The following RNF8 variants were observed in gnomAD, a reference collection of about 807,000 sequenced individuals.
RNF8 encodes the protein E3 ubiquitin-protein ligase RNF8.
Under a neutral mutation model 59.3 loss-of-function variants are expected in RNF8, and 8 were observed. The observed-to-expected ratio is 0.13, with a 90% confidence interval of 0.08 to 0.24. RNF8 has a LOEUF of 0.24. RNF8 is among the 10% of genes least tolerant of loss of function. The pLI is 1.00. For synonymous variants in RNF8, 162 were observed against 200.0 expected (o/e 0.81, Z 1.60); for missense variants, 406 against 572.6 (o/e 0.71, Z 2.97).
chr6:37,369,217 A>T lies in RNF8; in HGVS notation c.974A>T (p.Gln325Leu). 1 of 1,606,828 alleles carries T rather than the reference A, an allele frequency of 6.2e-7. No individual in the cohort carries two copies. Among genetic ancestry groups the T allele is most frequent in the Non-Finnish European group, 8.5e-7 (1 of 1,176,590 alleles). The stretch of plus-strand genomic sequence containing the variant: ...TTCCAGGAAGAGGAACAGCATCTTC[A>T]GGTACCACACAGAAGGGAAGGGCAA... ...KTFQEEEQHLQGLEIAQGEKD... is the reference protein window; with the variant it reads ...KTFQEEEQHLLGLEIAQGEKD... The change falls in exon 3 of 8, where the codon CAG becomes CTG. Residue 325 changes from glutamine (Q) to leucine (L), a missense_variant and splice_region_variant. Around this residue, in one of 3 missense-constraint regions of RNF8, gnomAD observed 285 missense variants for 342.0 expected, o/e 0.83. Coordinates refer to ENST00000373479, the MANE Select transcript of RNF8 (RefSeq NM_003958.4).
intron 1 of RNF8, among the ~76,000 whole-genome samples, chr6:37,359,900 C>T (rs1481918540): frequency 2.0e-5 from 3 of 152,238 alleles, no homozygotes; most frequent in African/African-American, 7.2e-5. Flanking sequence ...GGCTCAAGCC[C>T]ATCCCCTGGG....
At chr6:37,377,775 A>G (rs544932365) in intron 6 of RNF8, among the ~76,000 whole-genome samples, 3 of 152,062 alleles carry the variant, frequency 2.0e-5, no homozygotes, top group South Asian at 4.1e-4. Flanking sequence ...ACGAGGGGGT[A>G]AACGTCATTA....
At chr6:37,369,291 G>T in intron 3 of RNF8, 73 bp downstream of exon 3, 1 of 1,466,266 alleles carries the variant, frequency 6.8e-7, no homozygotes, top group African/African-American at 1.4e-5. Flanking sequence ...TCTGGCCAGA[G>T]TTCTCAGTTT....
chr6:37,378,784 TCTC>T (rs1021523102), intron 6 of RNF8, among the ~76,000 whole-genome samples: 6 of 152,208 alleles, frequency 3.9e-5, no homozygotes, highest in African/African-American at 1.4e-4. Flanking sequence ...GTCATCTGAT[TCTC>T]TACTTTGGAG....
rs1241593991 is a variant in RNF8 at position 37,394,644 on chromosome 6, A to G, written c.*3886A>G. On this transcript the variant is annotated 3_prime_UTR_variant, in exon 8 of 8. Transcript: ENST00000373479. ...TCCAGAGCCACTATCTCTGCTGTCC[A>G]CTTTCCTTCAGGCTCTGTGAATACT... 1.3e-5 allele frequency: 2 copies of G among 151,990 alleles called. No homozygotes were observed. The highest frequency in any genetic ancestry group is 2.4e-5 in the African/African-American group (1 of 41,352). The allele number at this position is 151,990 out of a possible 1,614,324, so 9.4% of individuals were successfully genotyped here.
intron 4 of RNF8, among the ~76,000 whole-genome samples, chr6:37,373,509 T>G (rs1340608021): frequency 6.6e-6 from 1 of 152,140 alleles, no homozygotes; most frequent in African/African-American, 2.4e-5. Flanking sequence ...TGGGCTCAAG[T>G]GATCCTCCCA....
intron 6 of RNF8, 120 bp from the exon 7 acceptor site, chr6:37,381,030 A>T: frequency 2.4e-6 from 2 of 828,516 alleles, no homozygotes; most frequent in South Asian, 3.1e-5. Context: ...TTAAGATGGG[A>T]TTGTTGTTAA....
intron 2 of RNF8, chr6:37,368,276 G>T: frequency 9.1e-7 from 1 of 1,102,404 alleles, no homozygotes; most frequent in Non-Finnish European, 1.3e-6. Flanking sequence ...TCTCTGTGGA[G>T]GCATGAATGT....
chr6:37,389,358 G>C (rs576405810), intron 7 of RNF8, among the ~76,000 whole-genome samples: 1 of 151,650 alleles, frequency 6.6e-6, no homozygotes, highest in Non-Finnish European at 1.5e-5. Context: ...TACAGTGATT[G>C]GGGAGTGAGT....
chr6:37,392,643 T>C lies in RNF8; in HGVS notation c.*1885T>C, dbSNP rs1252886811. ...TTCCATGTCAGTACATAGTTTCCTT[T>C]CTTTATTACAGCTGCCTGTTTTTTC... On this transcript the variant is annotated 3_prime_UTR_variant, in exon 8 of 8. Transcript: ENST00000373479. 7.5e-6 allele frequency: 3 copies of C among 398,486 alleles called. No homozygotes were observed. The highest frequency in any genetic ancestry group is 1.3e-5 in the Non-Finnish European group (3 of 226,056). 24.7% of individuals were successfully genotyped at this position (398,486 alleles called of 1,614,324 possible).
intron 1 of RNF8, among the ~76,000 whole-genome samples, chr6:37,354,728 G>T (rs1459409804): frequency 1.3e-5 from 2 of 151,296 alleles, no homozygotes; most frequent in Non-Finnish European, 2.9e-5. Context: ...GGAGGGGAGG[G>T]CGGGGGCTGG....
intron 7 of RNF8, among the ~76,000 whole-genome samples, chr6:37,383,954 G>A (rs907500039): frequency 3.9e-5 from 6 of 152,026 alleles, no homozygotes; most frequent in Non-Finnish European, 7.4e-5. Context: ...CTCATTCGAT[G>A]TTAGTTGGTT....
chr6:37,381,463 G>C (rs1770258513), intron 7 of RNF8, 109 bp downstream of exon 7: 1 of 908,408 alleles, frequency 1.1e-6, no homozygotes, highest in Non-Finnish European at 1.7e-6. Context: ...TCTTGAACTA[G>C]GGAAGAGATG....
At chr6:37,365,103 G>GA (rs952593831) in intron 2 of RNF8, among the ~76,000 whole-genome samples, 10 of 151,292 alleles carry the variant, frequency 6.6e-5, no homozygotes, top group Admixed American at 5.3e-4. Flanking sequence ...CAAAAACTGG[G>GA]AAAAAAAACA....
At chr6:37,383,158 C>T (rs1770349230) in intron 7 of RNF8, among the ~76,000 whole-genome samples, 1 of 152,168 alleles carries the variant, frequency 6.6e-6, no homozygotes, top group African/African-American at 2.4e-5. Flanking sequence ...GAGTTAGCTT[C>T]CCTGTTACAT....
At chr6:37,359,467 G>C (rs771017261) in intron 1 of RNF8, 117 of 196,846 alleles carry the variant, frequency 5.9e-4, no homozygotes, top group Non-Finnish European at 1.0e-3. Context: ...TGGTGGAAGA[G>C]ATATTAAGTA....
chr6:37,385,482 C>T (rs1228909095), intron 7 of RNF8, among the ~76,000 whole-genome samples: 2 of 151,510 alleles, frequency 1.3e-5, no homozygotes, highest in African/African-American at 2.4e-5. Flanking sequence ...CAAAAATTAG[C>T]CGGGCGTGGT....
At chr6:37,370,666 G>C (rs1388436834) in intron 3 of RNF8, among the ~76,000 whole-genome samples, 1 of 149,914 alleles carries the variant, frequency 6.7e-6, no homozygotes, top group Non-Finnish European at 1.5e-5. Context: ...CCCTACTGCT[G>C]GTTTAGAAGC....
chr6:37,385,043 C>T (rs575809922), intron 7 of RNF8, among the ~76,000 whole-genome samples: 11 of 151,080 alleles, frequency 7.3e-5, no homozygotes, highest in South Asian at 6.3e-4. Flanking sequence ...GATGGCGTTT[C>T]GCTCTTGTTG....
Sources: gnomAD v4.1 joint callset for allele counts (sites outside exome capture counted in the v4.1 genomes callset) on GRCh38, gnomAD v4.1.1 for gene constraint, gnomAD v4.1.1 regional missense constraint, MANE v1.5 for transcripts, NCBI Gene and HGNC (gene_info 2026-07-23, HGNC 2026-07-21) for gene names.